Variants in GALNT9 observed in about 807,000 individuals in gnomAD.
GALNT9 encodes the protein polypeptide N-acetylgalactosaminyltransferase 9.
In GALNT9, 47 loss-of-function variants were observed where a neutral mutation model predicts 63.1. The observed-to-expected ratio is 0.75, with a 90% CI of 0.59 to 0.95. The LOEUF is 0.95. GALNT9 is among the 40% of genes least tolerant of loss of function. The pLI, the probability that GALNT9 is intolerant of heterozygous loss-of-function variation, is 0.00. For missense variants in GALNT9, 829 were observed against 874.8 expected (o/e 0.95, Z 0.66); for synonymous variants, 396 against 365.7 (o/e 1.08, Z -0.94).
intron 1 of GALNT9, among the ~76,000 whole-genome samples, chr12:132,328,456 G>A (rs1023519001): frequency 6.6e-6 from 1 of 152,202 alleles, no homozygotes; most frequent in Non-Finnish European, 1.5e-5. Context: ...GGGCCGCCTA[G>A]CCCAGTGGTC....
At chr12:132,228,275 G>A (rs1332351908) in intron 6 of GALNT9, among the ~76,000 whole-genome samples, 3 of 151,810 alleles carry the variant, frequency 2.0e-5, no homozygotes, top group East Asian at 1.9e-4. Flanking sequence ...CCTCCCCGGC[G>A]TCCCTCCCCA....
At chr12:132,271,182 G>A (rs1161916309) in intron 2 of GALNT9, among the ~76,000 whole-genome samples, 1 of 152,130 alleles carries the variant, frequency 6.6e-6, no homozygotes, top group Non-Finnish European at 1.5e-5. Context: ...TTCTCAGCAG[G>A]GCGGTCACAC....
intron 6 of GALNT9, 109 bp downstream of exon 6, chr12:132,247,801 C>T: frequency 1.3e-6 from 2 of 1,502,584 alleles, no homozygotes; most frequent in South Asian, 2.5e-5. Flanking sequence ...GCCACACTCG[C>T]CCTCACCCCG....
At chr12:132,300,000 A>G (rs1440108938) in intron 1 of GALNT9, among the ~76,000 whole-genome samples, 2 of 134,060 alleles carry the variant, frequency 1.5e-5, no homozygotes, top group Admixed American at 7.7e-5. Flanking sequence ...CAGATGACCA[A>G]CCCACTCCTG....
chr12:132,310,699 A>C lies in GALNT9; in HGVS notation c.238+18267T>G, dbSNP rs1171781384. On this transcript the variant is annotated intron_variant, in intron 1 of 10. Transcript: ENST00000328957. The surrounding 1 kb of genome is among the most constrained non-coding windows in gnomAD (Gnocchi z 4.8). ...ACTGAAGCCAATATTCTGAGAGAGGAAACAGCACAAATTGAGAGGCGGCCG... is the reference window on the plus strand; with the variant it reads ...ACTGAAGCCAATATTCTGAGAGAGGCAACAGCACAAATTGAGAGGCGGCCG... 6.6e-6 allele frequency among the ~76,000 whole-genome samples: 1 copy of C among 152,152 alleles called. No individual in the cohort carries two copies. Among genetic ancestry groups the C allele is most frequent in the Non-Finnish European group, 1.5e-5 (1 of 68,024 alleles).
chr12:132,272,300 G>A (rs1298497115), intron 2 of GALNT9, among the ~76,000 whole-genome samples: 2 of 152,212 alleles, frequency 1.3e-5, no homozygotes, highest in African/African-American at 4.8e-5. Flanking sequence ...GCGGGACAGG[G>A]TCAGGGCAGG....
intron 6 of GALNT9, among the ~76,000 whole-genome samples, chr12:132,220,759 G>A (rs774745297): frequency 2.0e-5 from 3 of 152,158 alleles, no homozygotes; most frequent in Non-Finnish European, 2.9e-5. Flanking sequence ...ACTAAGGACT[G>A]TCCAGATTTG....
chr12:132,228,473 A>C (rs1877781748), intron 6 of GALNT9, among the ~76,000 whole-genome samples: 1 of 141,614 alleles, frequency 7.1e-6, no homozygotes, highest in Non-Finnish European at 1.5e-5. Flanking sequence ...CTGGCAAGAC[A>C]GGGCGGCCAG....
chr12:132,288,776 C>T (rs1409444075), intron 1 of GALNT9, among the ~76,000 whole-genome samples: 1 of 145,238 alleles, frequency 6.9e-6, no homozygotes, highest in Non-Finnish European at 1.5e-5. Flanking sequence ...TGGTTCTGGA[C>T]GGCTGCCCGA....
intron 6 of GALNT9, among the ~76,000 whole-genome samples, chr12:132,217,600 CCA>C (rs1877264225): frequency 1.3e-5 from 2 of 149,192 alleles, no homozygotes; most frequent in Admixed American, 6.7e-5. Flanking sequence ...ATCCATCCAT[CCA>C]TCCATCCAGC....
intron 6 of GALNT9, among the ~76,000 whole-genome samples, chr12:132,208,306 G>A (rs1565987025): frequency 2.0e-5 from 3 of 152,208 alleles, no homozygotes; most frequent in South Asian, 2.1e-4. Flanking sequence ...TCCCCTTCCT[G>A]GCCACACTAG....
chr12:132,307,969 G>A (rs1322369639), intron 1 of GALNT9, among the ~76,000 whole-genome samples: 5 of 152,144 alleles, frequency 3.3e-5, no homozygotes, highest in Admixed American at 3.3e-4. Flanking sequence ...TTAGGAGGCT[G>A]TGGCTGCAGT....
Position 132,310,310 on chromosome 12 carries a change from C to T in GALNT9, c.238+18656G>A, listed in dbSNP as rs1348932232. Among the ~76,000 whole-genome samples the T allele has an allele frequency of 6.6e-6, 1 of 152,158 alleles. No individual in the cohort carries two copies. Among genetic ancestry groups the T allele is most frequent in the Non-Finnish European group, 1.5e-5 (1 of 68,034 alleles). ...TCGGTAACACGCAGAAGTAAAGGAA[C>T]TGAGGCATGCAAAGGCCAGGACTGT... On this transcript the variant is annotated intron_variant, in intron 1 of 10. Coordinates refer to ENST00000328957, the MANE Select transcript of GALNT9 (RefSeq NM_001122636.2). The surrounding 1 kb of genome is among the most constrained non-coding windows in gnomAD (Gnocchi z 4.8).
chr12:132,226,498 C>A (rs1877693684), intron 6 of GALNT9, among the ~76,000 whole-genome samples: 2 of 149,318 alleles, frequency 1.3e-5, no homozygotes, highest in African/African-American at 5.0e-5. Context: ...ACACATATGC[C>A]CCATACATAC....
At chr12:132,312,628 C>T (rs1286271286) in intron 1 of GALNT9, among the ~76,000 whole-genome samples, 1 of 152,252 alleles carries the variant, frequency 6.6e-6, no homozygotes, top group Non-Finnish European at 1.5e-5. Flanking sequence ...CCTTTGGACG[C>T]AGCCCAGCCT....
chr12:132,265,012 C>T lies in GALNT9; in HGVS notation c.420-2387G>A, dbSNP rs375417628. Among the ~76,000 whole-genome samples, 1 of 152,180 alleles carries T rather than the reference C, an allele frequency of 6.6e-6. No homozygotes were observed. The highest frequency in any genetic ancestry group is 2.4e-5 in the African/African-American group (1 of 41,418). The stretch of plus-strand genomic sequence containing the variant: ...GAGATCCTGCCAGGTCGTTTCCACA[C>T]GCGCGGAGTTGAAGCGTTTTTATTT... On this transcript the variant is annotated intron_variant, in intron 2 of 10. Transcript: ENST00000328957. This position sits in a 1 kb window ranked among gnomAD's most constrained non-coding sequence, Gnocchi z 5.3.
intron 1 of GALNT9, among the ~76,000 whole-genome samples, chr12:132,314,064 TCCAC>T (rs1306237935): frequency 2.0e-5 from 1 of 50,410 alleles, no homozygotes. Flanking sequence ...CACCCATCCA[TCCAC>T]CCACCCACCC....
intron 2 of GALNT9, among the ~76,000 whole-genome samples, chr12:132,269,648 AG>A (rs1307364025): frequency 2.0e-5 from 3 of 152,224 alleles, no homozygotes; most frequent in East Asian, 3.8e-4. Context: ...TGAAGAAAGC[AG>A]GAATTTGGCT....
At chr12:132,211,055 GTTC>G (rs1876938397) in intron 6 of GALNT9, among the ~76,000 whole-genome samples, 1 of 152,196 alleles carries the variant, frequency 6.6e-6, no homozygotes, top group Admixed American at 6.5e-5. Context: ...AAAGGGCCCA[GTTC>G]TTCTCCACCA....
Sources: gnomAD v4.1 joint callset for allele counts (sites outside exome capture counted in the v4.1 genomes callset) on GRCh38, gnomAD v4.1.1 for gene constraint, Gnocchi (gnomAD v3.1) non-coding constraint, MANE v1.5 for transcripts, NCBI Gene and HGNC (gene_info 2026-07-23, HGNC 2026-07-21) for gene names.